The following CLUH variants were observed in gnomAD, a reference collection of about 807,000 sequenced individuals.
CLUH encodes CLUH binding protein of NUMT mRNA, also known as clustered mitochondria protein homolog.
A neutral mutation model predicts 139.3 loss-of-function variants in CLUH; 77 were observed. The observed-to-expected ratio is 0.55, with a 90% CI of 0.46 to 0.67. CLUH has a LOEUF of 0.67. Ranked by LOEUF, CLUH falls within the 30% of genes least tolerant of loss-of-function variation. CLUH has a pLI of 0.00. For synonymous variants in CLUH, 999 were observed against 801.6 expected (o/e 1.25, Z -4.16); for missense variants, 1,876 against 1,875.8 (o/e 1.00, Z 0.00).
chr17:2,693,346 A>G (rs892965172), intron 19 of CLUH, among the ~76,000 whole-genome samples: 1 of 152,060 alleles, frequency 6.6e-6, no homozygotes, highest in Non-Finnish European at 1.5e-5. Context: ...CAGGGAGTCG[A>G]TATCACGCCA....
intron 22 of CLUH, 124 bp from the exon 23 acceptor site, chr17:2,692,221 C>A: frequency 6.9e-7 from 1 of 1,447,284 alleles, no homozygotes; most frequent in Admixed American, 2.1e-5. Flanking sequence ...AACAGCAAGT[C>A]CAGGGCTCAG....
chr17:2,697,862 G>A (rs2070019615), intron 10 of CLUH, 34 bp downstream of exon 10: 1 of 1,446,738 alleles, frequency 6.9e-7, no homozygotes, highest in Non-Finnish European at 9.1e-7. Flanking sequence ...CCTGCAGCTG[G>A]CCCCGGCCCT....
At chr17:2,698,751 A>G (rs1342430583) in intron 9 of CLUH, among the ~76,000 whole-genome samples, 161 bp from the exon 10 acceptor site, 4 of 152,082 alleles carry the variant, frequency 2.6e-5, no homozygotes, top group Non-Finnish European at 4.4e-5. Context: ...AGGGCAAGAA[A>G]ACCATGTTTT....
chr17:2,693,972 G>C lies in CLUH; in HGVS notation c.3159C>G (p.Ala1053=). ...GGCAGGCGCAGGTCTCCACGTGCATGGCTCCGTAGACGTTGTTAAACAGGT... is the reference window on the plus strand; with the variant it reads ...GGCAGGCGCAGGTCTCCACGTGCATCGCTCCGTAGACGTTGTTAAACAGGT... ...ALNLFNNVYG[A]MHVETCACLR... is the part of the protein sequence containing the mutation. The change falls in exon 19 of 26, where the codon GCC becomes GCG. Residue 1053 remains alanine, a synonymous_variant. Coordinates refer to ENST00000651024, the MANE Select transcript of CLUH (RefSeq NM_001366661.1). 1 of 1,613,904 alleles carries C rather than the reference G, an allele frequency of 6.2e-7. No homozygotes were observed. Among genetic ancestry groups the C allele is most frequent in the Admixed American group, 1.7e-5 (1 of 60,018 alleles).
intron 1 of CLUH, chr17:2,708,072 C>T (rs1453176405): frequency 1.9e-5 from 18 of 927,668 alleles, no homozygotes; most frequent in Admixed American, 6.2e-5. Context: ...GGCCGCACGG[C>T]GGGGGAGGAG....
Position 2,701,793 on chromosome 17 carries a change from C to T in CLUH, c.620-56G>A, listed in dbSNP as rs2070191560. The T allele has an allele frequency of 1.9e-6, 3 of 1,560,244 alleles. No homozygotes were observed. In the African/African-American group the frequency reaches 4.1e-5, roughly 21 times the overall value. The stretch of plus-strand genomic sequence containing the variant: ...GGGCCACCCAGGGCCAGCTGTCTCC[C>T]TACCTCCTGATGGCCGTGGTCCGGG... On this transcript the variant is annotated intron_variant, in intron 4 of 25. Coordinates refer to ENST00000651024, the MANE Select transcript of CLUH (RefSeq NM_001366661.1).
rs901343968 is a variant in CLUH, at chr17:2,693,829, C to T, written c.3231+71G>A. On this transcript the variant is annotated intron_variant, in intron 19 of 25. Transcript: ENST00000651024. ...TCTCCCTGGACTCCACCCACTCCTC[C>T]GTCAGGGGCCCCCTCACTCCCCATC... The T allele has an allele frequency of 4.1e-5, 62 of 1,523,808 alleles. No homozygotes were observed. In the Middle Eastern group the frequency reaches 8.9e-4, roughly 22 times the overall value. 94.4% of individuals were successfully genotyped at this position (1,523,808 alleles called of 1,614,324 possible). A position where few individuals can be genotyped will look rare whatever the true frequency, so the allele number is the denominator to read the frequency against.
At position 2,696,805 on chromosome 17, in the gene CLUH, G is replaced by A. The variant is rs754789299; in HGVS notation, c.2099C>T (p.Ala700Val). 43 of 1,613,264 alleles carry A rather than the reference G, an allele frequency of 2.7e-5. No individual in the cohort carries two copies. Among genetic ancestry groups the A allele is most frequent in the South Asian group, 1.5e-4 (14 of 91,068 alleles). The stretch of plus-strand genomic sequence containing the variant: ...GCTGCTACCCTCCTCCTCACTTCCC[G>A]CCTCCTGTCCTGGAGGATCCTCAGA... ...SKSEDPPGQE[A>V]GSEEEGSSAS... The change falls in exon 11 of 26, where the codon GCG becomes GTG. Residue 700 changes from alanine to valine, a missense_variant. Physicochemically the swap from Ala to Val is moderately conservative, Grantham distance 64. This residue lies in a region of CLUH where 1,454 missense variants were observed against 1,384.4 expected (regional missense o/e 1.05). Transcript: ENST00000651024.
rs1461116886 is a variant in CLUH at position 2,696,253 on chromosome 17, C to T, written c.2297G>A (p.Arg766His). Residue 766 changes from arginine (R) to histidine (H), a missense_variant, in exon 13 of 26, where the codon CGT becomes CAT. Coordinates refer to ENST00000651024, the MANE Select transcript of CLUH (RefSeq NM_001366661.1). ...TTCATCCTGGCAGGACTCAGGGAAA[C>T]GAACCCCTGGAGGAGGGAGAGCAGA... ...FNPDIFSPGV[R>H]FPESCQDEVR... is the part of the protein sequence containing the mutation. The T allele has an allele frequency of 4.5e-6, 7 of 1,572,082 alleles. No individual in the cohort carries two copies. The highest frequency in any genetic ancestry group is 2.4e-5 in the East Asian group (1 of 42,536).
chr17:2,690,836 C>T (rs1243946596), intron 25 of CLUH, 59 bp from the exon 26 acceptor site: 3 of 1,331,088 alleles, frequency 2.3e-6, no homozygotes, highest in Middle Eastern at 2.8e-4. Context: ...GCTCCACCCG[C>T]CTCCCGGCTT....
At chr17:2,702,379 G>T (rs2070217787) in intron 3 of CLUH, among the ~76,000 whole-genome samples, 1 of 152,208 alleles carries the variant, frequency 6.6e-6, no homozygotes. Context: ...CGGCTGGGCA[G>T]GGCTTTTGGA....
In CLUH at chr17:2,696,220, T is replaced by G; in HGVS notation, c.2330A>C (p.Asp777Ala). The stretch of plus-strand genomic sequence containing the variant: ...CGCGTCCTTCAGCAGCTGCTTCTGG[T>G]CCCGAACTTCATCCTGGCAGGACTC... ...FPESCQDEVRDQKQLLKDAAA... is the reference protein window; with the variant it reads ...FPESCQDEVRAQKQLLKDAAA... Residue 777 changes from aspartate (D) to alanine (A), a missense_variant, in exon 13 of 26, where the codon GAC becomes GCC. Physicochemically the swap from Asp to Ala is moderately radical, Grantham distance 126. Transcript: ENST00000651024. 1 of 1,576,524 alleles carries G rather than the reference T, an allele frequency of 6.3e-7. No homozygotes were observed.
intron 11 of CLUH, 71 bp from the exon 12 acceptor site, chr17:2,696,609 G>C (rs1281654818): frequency 6.5e-6 from 10 of 1,529,784 alleles, no homozygotes; most frequent in Non-Finnish European, 8.8e-6. Context: ...GCCAAGCCTC[G>C]CCCCCTAGCT....
chr17:2,697,969 CGGCGCG>C lies in CLUH; in HGVS notation c.1882_1887del (p.Arg628_Ala629del). 6.3e-7 allele frequency: 1 copy of C among 1,574,910 alleles called. No homozygotes were observed. The highest frequency in any genetic ancestry group is 8.6e-7 in the Non-Finnish European group (1 of 1,166,206). ...TTGTGCCGGTGGGCGCGGGGGAAGCCGGCGCGGGCGCATTCCTCAGGCAGCTCCTCG... is the reference window on the plus strand; with the variant it reads ...TTGTGCCGGTGGGCGCGGGGGAAGCCGGCGCATTCCTCAGGCAGCTCCTCG... On this transcript the variant is annotated inframe_deletion, in exon 10 of 26. Coordinates refer to ENST00000651024, the MANE Select transcript of CLUH (RefSeq NM_001366661.1).
Position 2,707,729 on chromosome 17 carries a change from G to A in CLUH, c.101-3165C>T. The A allele has an allele frequency of 1.0e-6, 1 of 985,422 alleles. No homozygotes were observed. Among genetic ancestry groups the A allele is most frequent in the Non-Finnish European group, 1.2e-6 (1 of 829,916 alleles). The allele number at this position is 985,422 out of a possible 1,614,324, so 61.0% of individuals were successfully genotyped here. ...GCCGCCAACAGCTGGCACAGACCCG[G>A]GTCCAGGCCATAAGGTGGCTGCCTC... is the stretch of plus-strand genomic sequence containing the variant. On this transcript the variant is annotated intron_variant, in intron 1 of 25. Transcript: ENST00000651024. This position sits in a 1 kb window ranked among gnomAD's most constrained non-coding sequence, Gnocchi z 7.4.
rs1223693183 is a variant in CLUH at position 2,690,454 on chromosome 17, G to A, written c.*140C>T. 2 of 702,316 alleles carry A rather than the reference G, an allele frequency of 2.8e-6. No homozygotes were observed. The highest frequency in any genetic ancestry group is 4.3e-4 in the Middle Eastern group (1 of 2,320). 43.5% of individuals were successfully genotyped at this position (702,316 alleles called of 1,614,324 possible). ...CGGGGCAGGCAGGCCAGGCTCCCAG[G>A]AGGACACGGGGGTGGGGTGGGGTGA... On this transcript the variant is annotated 3_prime_UTR_variant, in exon 26 of 26. Transcript: ENST00000651024.
chr17:2,708,067 C>T (rs1444529767), intron 1 of CLUH: 47 of 939,956 alleles, frequency 5.0e-5, no homozygotes, highest in Non-Finnish European at 6.0e-5. Context: ...CCAGTGGCCG[C>T]ACGGCGGGGG....
At position 2,696,169 on chromosome 17, in the gene CLUH, A is replaced by T; in HGVS notation, c.2381T>A (p.Ile794Asn). The change falls in exon 13 of 26, where the codon ATC becomes AAC. Residue 794 changes from isoleucine (I) to asparagine (N), a missense_variant. This residue lies in a region of CLUH where 1,454 missense variants were observed against 1,384.4 expected (regional missense o/e 1.05). Transcript: ENST00000651024. ...DAAAFLLSCQIPGLVKDCMEH... is the reference protein window; with the variant it reads ...DAAAFLLSCQNPGLVKDCMEH... The stretch of plus-strand genomic sequence containing the variant: ...CAGCCCCTCCCTCACCAAGCCAGGG[A>T]TCTGGCAGGAGAGCAGGAAGGCAGC... The T allele has an allele frequency of 1.3e-6, 2 of 1,556,066 alleles. No homozygotes were observed. Among genetic ancestry groups the T allele is most frequent in the Non-Finnish European group, 1.7e-6 (2 of 1,148,688 alleles).
chr17:2,694,022 A>G lies in CLUH; in HGVS notation c.3109T>C (p.Cys1037Arg), dbSNP rs779381488. The G allele has an allele frequency of 9.3e-6, 15 of 1,613,896 alleles. No individual in the cohort carries two copies. In the East Asian group the frequency reaches 2.9e-4, roughly 31 times the overall value. The change falls in exon 19 of 26, where the codon TGT (cysteine) becomes CGT (arginine). Residue 1037 changes from cysteine to arginine, a missense_variant. Physicochemically the swap from Cys to Arg is radical, Grantham distance 180 (BLOSUM62 -3). Around this residue, in one of 3 missense-constraint regions of CLUH, gnomAD observed 1,454 missense variants for 1,384.4 expected, o/e 1.05. Coordinates refer to ENST00000651024, the MANE Select transcript of CLUH (RefSeq NM_001366661.1). ...KVQQGFLKEG[C>R]ELINEALNLF... The stretch of plus-strand genomic sequence containing the variant: ...TTCAGGGCCTCATTGATGAGCTCAC[A>G]GCCCTCCTTCAGGAAGCCTGCAGGG...
Sources: gnomAD v4.1 joint callset for allele counts (sites outside exome capture counted in the v4.1 genomes callset) on GRCh38, gnomAD v4.1.1 for gene constraint, gnomAD v4.1.1 regional missense constraint, Gnocchi (gnomAD v3.1) non-coding constraint, MANE v1.5 for transcripts, NCBI Gene and HGNC (gene_info 2026-07-23, HGNC 2026-07-21) for gene names.